The following IQCN variants were observed in gnomAD, a reference collection of about 807,000 sequenced individuals.
IQCN encodes IQ domain-containing protein N.
IQCN carries 46 observed loss-of-function variants against 64.4 expected under a neutral mutation model. That is an observed-to-expected ratio of 0.71 (90% CI 0.56 to 0.91). The LOEUF is 0.91. IQCN is among the 40% of genes least tolerant of loss of function. IQCN has a pLI of 0.00. For synonymous variants in IQCN, 733 were observed against 775.6 expected (o/e 0.95, Z 0.91); for missense variants, 1,753 against 1,857.4 (o/e 0.94, Z 1.03).
Position 18,264,632 on chromosome 19 carries a change from T to C in IQCN, c.2908A>G (p.Lys970Glu). 1 of 1,551,358 alleles carries C rather than the reference T, an allele frequency of 6.4e-7. No homozygotes were observed. Among genetic ancestry groups the C allele is most frequent in the Non-Finnish European group, 8.7e-7 (1 of 1,146,956 alleles). ...RAELTKVMQGKLAEVLSKALT... is the reference protein window; with the variant it reads ...RAELTKVMQGELAEVLSKALT... ...GCCTTGCTAAGCACCTCGGCCAATT[T>C]ACCCTGCATGACCTTGGTGAGTTCC... Residue 970 changes from lysine to glutamate, a missense_variant, in exon 3 of 4, where the codon AAA (lysine) becomes GAA (glutamate). By Grantham distance (56) the Lys-to-Glu change is moderately conservative. Transcript: ENST00000392413. The surrounding 1 kb of genome is among the most constrained non-coding windows in gnomAD (Gnocchi z 4.3).
Position 18,267,120 on chromosome 19 carries a change from G to T in IQCN, c.420C>A (p.Phe140Leu), listed in dbSNP as rs1300332498. ...AKAIQEAWRRFNKRHILHSSK... is the reference protein window; with the variant it reads ...AKAIQEAWRRLNKRHILHSSK... ...TGGAGTGAAGGATGTGTCTCTTGTT[G>T]AAGCGCCGCCAGGCCTCCTGGATGG... The change falls in exon 3 of 4, where the codon TTC becomes TTA. Residue 140 changes from phenylalanine (F) to leucine (L), a missense_variant. Physicochemically the swap from Phe to Leu is conservative, Grantham distance 22. Coordinates refer to ENST00000392413, the MANE Select transcript of IQCN (RefSeq NM_001145304.2). 6.2e-7 allele frequency: 1 copy of T among 1,614,116 alleles called. No homozygotes were observed. Among genetic ancestry groups the T allele is most frequent in the Non-Finnish European group, 8.5e-7 (1 of 1,180,062 alleles).
chr19:18,260,018 C>T (rs1369425492), intron 3 of IQCN: 1 of 152,478 alleles, frequency 6.6e-6, no homozygotes, highest in Non-Finnish European at 1.5e-5. Flanking sequence ...CACTGGGGAA[C>T]ATAGCATCAG....
At position 18,264,612 on chromosome 19, in the gene IQCN, G is replaced by A; in HGVS notation, c.2928C>T (p.Ser976=). 4 of 1,551,426 alleles carry A rather than the reference G, an allele frequency of 2.6e-6. No individual in the cohort carries two copies. The highest frequency in any genetic ancestry group is 3.5e-6 in the Non-Finnish European group (4 of 1,146,970). ...CCCACTCCTCCTCCGTCAAAGCCTTGCTAAGCACCTCGGCCAATTTACCCT... is the reference window on the plus strand; with the variant it reads ...CCCACTCCTCCTCCGTCAAAGCCTTACTAAGCACCTCGGCCAATTTACCCT... ...VMQGKLAEVL[S]KALTEEEWVA... Residue 976 remains serine (S), a synonymous_variant, in exon 3 of 4, where the codon AGC becomes AGT. Coordinates refer to ENST00000392413, the MANE Select transcript of IQCN (RefSeq NM_001145304.2). This position sits in a 1 kb window ranked among gnomAD's most constrained non-coding sequence, Gnocchi z 4.3.
Position 18,266,858 on chromosome 19 carries a change from G to A in IQCN, c.682C>T (p.His228Tyr), listed in dbSNP as rs1054045167. The A allele has an allele frequency of 1.1e-5, 17 of 1,613,508 alleles. No homozygotes were observed. The Admixed American group carries it at 1.7e-4, about 16-fold the overall frequency. Residue 228 changes from histidine (H) to tyrosine (Y), a missense_variant, in exon 3 of 4, where the codon CAT (histidine) becomes TAT (tyrosine). Physicochemically the swap from His to Tyr is moderately conservative, Grantham distance 83. Transcript: ENST00000392413. This position sits in a 1 kb window ranked among gnomAD's most constrained non-coding sequence, Gnocchi z 4.3. ...GTPEPCVQGP[H>Y]AARVRGLAFL... ...GCCAGCCCCCGGACTCTGGCAGCATGAGGACCCTGCACACAGGGCTCTGGG... is the reference window on the plus strand; with the variant it reads ...GCCAGCCCCCGGACTCTGGCAGCATAAGGACCCTGCACACAGGGCTCTGGG...
At chr19:18,272,871 A>T (rs1003256061) in intron 1 of IQCN, among the ~76,000 whole-genome samples, 1 of 151,896 alleles carries the variant, frequency 6.6e-6, no homozygotes, top group East Asian at 1.9e-4. Flanking sequence ...CGGCCTCCCA[A>T]AGTGCTGGGA....
At chr19:18,260,562 G>C (rs565679079) in intron 3 of IQCN, 1 of 152,904 alleles carries the variant, frequency 6.5e-6, no homozygotes, top group Non-Finnish European at 1.5e-5. Context: ...GTGGGCCACA[G>C]ATGGTGGGAA....
At chr19:18,258,715 C>T (rs1307510326) in intron 3 of IQCN, 4 of 321,056 alleles carry the variant, frequency 1.2e-5, no homozygotes, top group Admixed American at 4.4e-5. Context: ...CTGCCACGGG[C>T]CAGCTGGGGT....
chr19:18,265,320 G>A lies in IQCN; in HGVS notation c.2220C>T (p.Thr740=). The A allele has an allele frequency of 6.2e-7, 1 of 1,614,166 alleles. No individual in the cohort carries two copies. The highest frequency in any genetic ancestry group is 8.5e-7 in the Non-Finnish European group (1 of 1,180,028). The part of the protein sequence containing the change: ...QSQAPLATCL[T]KTQSRGQPIT... Reference sequence around the variant, plus strand: ...TCGGCTGCCCCCGGGACTGCGTCTTGGTCAGACAGGTGGCTAGAGGCGCTT... The same window carrying A: ...TCGGCTGCCCCCGGGACTGCGTCTTAGTCAGACAGGTGGCTAGAGGCGCTT... The change falls in exon 3 of 4, where the codon ACC becomes ACT. Residue 740 remains threonine, a synonymous_variant. Coordinates refer to ENST00000392413, the MANE Select transcript of IQCN (RefSeq NM_001145304.2). The surrounding 1 kb of genome is among the most constrained non-coding windows in gnomAD (Gnocchi z 4.7).
At position 18,265,694 on chromosome 19, in the gene IQCN, T is replaced by C; in HGVS notation, c.1846A>G (p.Thr616Ala). The change falls in exon 3 of 4, where the codon ACA becomes GCA. Residue 616 changes from threonine to alanine, a missense_variant. Thr to Ala is a moderately conservative substitution (Grantham distance 58). Coordinates refer to ENST00000392413, the MANE Select transcript of IQCN (RefSeq NM_001145304.2). The surrounding 1 kb of genome is among the most constrained non-coding windows in gnomAD (Gnocchi z 4.7). Reference protein sequence around the residue: ...IKTGTQKQAKTDMAFKTSVAV... With the variant: ...IKTGTQKQAKADMAFKTSVAV... ...ACACTGGTCTTAAATGCCATGTCTGTTTTCGCCTGTTTCTGGGTGCCAGTC... is the reference window on the plus strand; with the variant it reads ...ACACTGGTCTTAAATGCCATGTCTGCTTTCGCCTGTTTCTGGGTGCCAGTC... The C allele has an allele frequency of 6.2e-7, 1 of 1,614,142 alleles. No homozygotes were observed. Among genetic ancestry groups the C allele is most frequent in the Non-Finnish European group, 8.5e-7 (1 of 1,180,046 alleles).
At chr19:18,270,997 C>A (rs537136978) in intron 1 of IQCN, among the ~76,000 whole-genome samples, 12 of 151,448 alleles carry the variant, frequency 7.9e-5, no homozygotes, top group Non-Finnish European at 1.2e-4. Context: ...CATGGTGAAA[C>A]CCCGTCTCTA....
rs1182390823 is a variant in IQCN at position 18,258,510 on chromosome 19, G to C, written c.3178-404C>G. On this transcript the variant is annotated intron_variant, in intron 3 of 3. Transcript: ENST00000392413. ...CATGGCGTCCCAGCGGCTGCTCGGA[G>C]CCATGTTTCCAGACACTGTTTTCTG... The C allele has an allele frequency of 6.7e-6, 3 of 449,384 alleles. No homozygotes were observed. The Admixed American group carries it at 7.4e-5, about 11-fold the overall frequency. The allele number at this position is 449,384 out of a possible 1,614,324, so 27.8% of individuals were successfully genotyped here. A position where few individuals can be genotyped will look rare whatever the true frequency, so the allele number is the denominator to read the frequency against.
chr19:18,262,070 G>A (rs1969441098), intron 3 of IQCN: 1 of 153,234 alleles, frequency 6.5e-6, no homozygotes, highest in Non-Finnish European at 1.5e-5. Flanking sequence ...GATATGGGTA[G>A]GTTGGGCTTG....
At chr19:18,272,643 T>C (rs1341529991) in intron 1 of IQCN, among the ~76,000 whole-genome samples, 3 of 151,028 alleles carry the variant, frequency 2.0e-5, no homozygotes, top group East Asian at 1.9e-4. Flanking sequence ...CGGAGTCTCG[T>C]TCTGTCTCCC....
chr19:18,257,928 G>A lies in IQCN; in HGVS notation c.3356C>T (p.Thr1119Ile). Reference sequence around the variant, plus strand: ...GTAGCCACGGACGCCCGCCTGGATAGTGATCACTGCGAGGATGCGGATCTC... The same window carrying A: ...GTAGCCACGGACGCCCGCCTGGATAATGATCACTGCGAGGATGCGGATCTC... The part of the protein sequence containing the change: ...AEEIRILAVI[T>I]IQAGVRGYLA... The change falls in exon 4 of 4, where the codon ACT (threonine) becomes ATT (isoleucine). Residue 1119 changes from threonine to isoleucine, a missense_variant. Coordinates refer to ENST00000392413, the MANE Select transcript of IQCN (RefSeq NM_001145304.2). The A allele has an allele frequency of 1.2e-6, 2 of 1,612,916 alleles. No homozygotes were observed. Among genetic ancestry groups the A allele is most frequent in the South Asian group, 2.2e-5 (2 of 91,084 alleles).
rs202117212 is a variant in IQCN at position 18,265,113 on chromosome 19, G to T, written c.2427C>A (p.His809Gln). ...GAGTGGTCTTCCCCGGCACGTGTCC[G>T]TGGGGCTGTGGCTGGGTCTGTCTGT... is the stretch of plus-strand genomic sequence containing the variant. ...PEDRQTQPQP[H>Q]GHVPGKTTQG... The change falls in exon 3 of 4, where the codon CAC becomes CAA. Residue 809 changes from histidine to glutamine, a missense_variant. Coordinates refer to ENST00000392413, the MANE Select transcript of IQCN (RefSeq NM_001145304.2). The surrounding 1 kb of genome is among the most constrained non-coding windows in gnomAD (Gnocchi z 4.7). The T allele has an allele frequency of 6.2e-7, 1 of 1,604,218 alleles. No individual in the cohort carries two copies. Among genetic ancestry groups the T allele is most frequent in the South Asian group, 1.1e-5 (1 of 91,052 alleles).
Position 18,265,052 on chromosome 19 carries a change from C to A in IQCN, c.2488G>T (p.Gly830Cys), listed in dbSNP as rs771370016. ...GPCPAACEVQ[G>C]MLVPPMAPTG... ...GGTGCCATCGGCGGCACCAGCATACCCTGGACCTCACAGGCTGCCGGGCAT... is the reference window on the plus strand; with the variant it reads ...GGTGCCATCGGCGGCACCAGCATACACTGGACCTCACAGGCTGCCGGGCAT... Residue 830 changes from glycine to cysteine, a missense_variant, in exon 3 of 4, where the codon GGT becomes TGT. By Grantham distance (159) the Gly-to-Cys change is radical. Transcript: ENST00000392413. This position sits in a 1 kb window ranked among gnomAD's most constrained non-coding sequence, Gnocchi z 4.7. 1 of 1,600,854 alleles carries A rather than the reference C, an allele frequency of 6.2e-7. No homozygotes were observed.
chr19:18,273,393 A>C (rs899535634), intron 1 of IQCN, among the ~76,000 whole-genome samples: 3 of 151,418 alleles, frequency 2.0e-5, no homozygotes, highest in South Asian at 2.1e-4. Context: ...GCTGGAGTGC[A>C]ATGGCGCCAT....
At position 18,257,524 on chromosome 19, in the gene IQCN, G is replaced by T. The variant is rs139912303; in HGVS notation, c.3760C>A (p.Arg1254Ser). 6.2e-7 allele frequency: 1 copy of T among 1,611,556 alleles called. No homozygotes were observed. The highest frequency in any genetic ancestry group is 1.1e-5 in the South Asian group (1 of 90,896). Residue 1254 changes from arginine (R) to serine (S), a missense_variant, in exon 4 of 4, where the codon CGC becomes AGC. Physicochemically the swap from Arg to Ser is moderately radical, Grantham distance 110. Transcript: ENST00000392413. ...SVVMLVGSSP[R>S]TCHTCGRTQP... ...GTGCGTCCACAGGTATGACAGGTGC[G>T]AGGGCTGGAGCCCACTAGCATCACC...
At chr19:18,258,400 G>A in intron 3 of IQCN, 1 of 650,342 alleles carries the variant, frequency 1.5e-6, no homozygotes, top group Non-Finnish European at 2.8e-6. Flanking sequence ...TGCACATACT[G>A]TAAGGGCCTA....
Sources: gnomAD v4.1 joint callset for allele counts (sites outside exome capture counted in the v4.1 genomes callset) on GRCh38, gnomAD v4.1.1 for gene constraint, Gnocchi (gnomAD v3.1) non-coding constraint, MANE v1.5 for transcripts, NCBI Gene and HGNC (gene_info 2026-07-23, HGNC 2026-07-21) for gene names.